Variants in CNBD1 observed in about 807,000 individuals in gnomAD.
The protein encoded by CNBD1 is cyclic nucleotide binding domain containing 1.
In CNBD1, 71 loss-of-function variants were observed where a neutral mutation model predicts 54.4. The ratio of observed to expected loss-of-function variants is 1.30; its 90% CI spans 1.08 to 1.59. The LOEUF is 1.59. Ranked by LOEUF, CNBD1 falls within the 40% of genes most tolerant of loss-of-function variation. The pLI is 0.00. For missense variants in CNBD1, 659 were observed against 518.0 expected (o/e 1.27, Z -2.64); for synonymous variants, 182 against 170.7 (o/e 1.07, Z -0.51).
chr8:87,172,564 G>A (rs961862690), intron 4 of CNBD1, among the ~76,000 whole-genome samples: 6 of 151,752 alleles, frequency 4.0e-5, no homozygotes, highest in African/African-American at 9.7e-5. Flanking sequence ...CCAATGTTAC[G>A]TGTATATATA....
intron 6 of CNBD1, among the ~76,000 whole-genome samples, chr8:87,247,160 A>T (rs1300798363): frequency 6.6e-6 from 1 of 152,172 alleles, no homozygotes; most frequent in East Asian, 1.9e-4. Flanking sequence ...TGGGGATTTG[A>T]AGTTGTCTCA....
At chr8:87,266,857 C>G (rs1808269002) in intron 6 of CNBD1, among the ~76,000 whole-genome samples, 1 of 152,060 alleles carries the variant, frequency 6.6e-6, no homozygotes, top group Non-Finnish European at 1.5e-5. Flanking sequence ...GATAAAACTG[C>G]ATGCCTACTT....
chr8:87,301,600 A>G (rs1279170055), intron 8 of CNBD1, among the ~76,000 whole-genome samples: 1 of 152,070 alleles, frequency 6.6e-6, no homozygotes, highest in Non-Finnish European at 1.5e-5. Context: ...AATAAATGTG[A>G]TACACCACAT....
intron 2 of CNBD1, among the ~76,000 whole-genome samples, chr8:87,416,977 A>G (rs1178629129): frequency 6.6e-6 from 1 of 152,096 alleles, no homozygotes; most frequent in Admixed American, 6.6e-5. Flanking sequence ...AATATAATCC[A>G]TGAATGTAAT....
intron 10 of CNBD1, among the ~76,000 whole-genome samples, chr8:87,376,540 A>C (rs1015915632): frequency 3.9e-5 from 6 of 151,954 alleles, no homozygotes; most frequent in Non-Finnish European, 8.8e-5. Flanking sequence ...ATCTTCTGAA[A>C]ATATCCTGAC....
intron 8 of CNBD1, among the ~76,000 whole-genome samples, chr8:87,319,675 A>AT (rs1809478413): frequency 6.6e-6 from 1 of 152,130 alleles, no homozygotes; most frequent in Non-Finnish European, 1.5e-5. Flanking sequence ...GAAAAGTAAC[A>AT]TGTTTTTACC....
chr8:87,295,956 A>G (rs1808868079), intron 8 of CNBD1, among the ~76,000 whole-genome samples: 1 of 152,158 alleles, frequency 6.6e-6, no homozygotes, highest in Non-Finnish European at 1.5e-5. Context: ...AGAACTTTTA[A>G]AAATGCGAAC....
chr8:86,944,246 A>G (rs1738886112), intron 4 of CNBD1, among the ~76,000 whole-genome samples: 1 of 152,230 alleles, frequency 6.6e-6, no homozygotes, highest in Non-Finnish European at 1.5e-5. Flanking sequence ...TTTTTCATCC[A>G]TTAATTAATG....
At chr8:87,218,193 A>G (rs985403219) in intron 5 of CNBD1, among the ~76,000 whole-genome samples, 1 of 152,080 alleles carries the variant, frequency 6.6e-6, no homozygotes, top group Non-Finnish European at 1.5e-5. Context: ...TTGATCTGAA[A>G]CATAATTTAA....
chr8:87,244,552 T>G (rs767206550), intron 6 of CNBD1, among the ~76,000 whole-genome samples: 22 of 152,164 alleles, frequency 1.4e-4, no homozygotes, highest in Non-Finnish European at 2.8e-4. Context: ...ATGTTGAATT[T>G]ATCCCTTTTA....
chr8:87,092,119 A>G (rs1276992262), intron 4 of CNBD1, among the ~76,000 whole-genome samples: 2 of 152,172 alleles, frequency 1.3e-5, no homozygotes, highest in African/African-American at 4.8e-5. Context: ...AGCAAGAGAA[A>G]TAGTCAGGAT....
chr8:87,258,826 T>C (rs1172260313), intron 6 of CNBD1, among the ~76,000 whole-genome samples: 4 of 152,212 alleles, frequency 2.6e-5, no homozygotes, highest in African/African-American at 2.4e-5. Flanking sequence ...TGTTGTGCTT[T>C]TATTTACATG....
At chr8:86,957,549 T>C (rs1807810692) in intron 4 of CNBD1, among the ~76,000 whole-genome samples, 1 of 152,196 alleles carries the variant, frequency 6.6e-6, no homozygotes. Context: ...CTTCCTGGTT[T>C]AGTCTTGGGA....
chr8:87,012,710 C>G (rs554871969), intron 4 of CNBD1, among the ~76,000 whole-genome samples: 40 of 152,306 alleles, frequency 2.6e-4, no homozygotes, highest in African/African-American at 9.6e-4. Context: ...TTACCTTTAA[C>G]CTGAACATTC....
intron 8 of CNBD1, among the ~76,000 whole-genome samples, chr8:87,339,381 C>T (rs1480754520): frequency 6.6e-6 from 1 of 152,094 alleles, no homozygotes; most frequent in Non-Finnish European, 1.5e-5. Flanking sequence ...ACGCTCGCGT[C>T]ATTTCCCATG....
chr8:86,955,919 G>A (rs1421819561), intron 4 of CNBD1, among the ~76,000 whole-genome samples: 2 of 152,180 alleles, frequency 1.3e-5, no homozygotes, highest in Non-Finnish European at 2.9e-5. Context: ...CCTATATCCT[G>A]AATGGTATTG....
chr8:87,149,236 G>A (rs1563487345), intron 4 of CNBD1, among the ~76,000 whole-genome samples: 3 of 152,054 alleles, frequency 2.0e-5, no homozygotes, highest in Non-Finnish European at 4.4e-5. Flanking sequence ...TTTCATAAAG[G>A]AAAAAAAGAA....
intron 8 of CNBD1, among the ~76,000 whole-genome samples, chr8:87,341,879 T>G (rs1017356251): frequency 3.3e-5 from 5 of 152,058 alleles, no homozygotes; most frequent in African/African-American, 9.7e-5. Flanking sequence ...GTCTTAGATA[T>G]TCTATTATAG....
chr8:87,342,330 C>A (rs181669717), intron 8 of CNBD1, among the ~76,000 whole-genome samples: 2 of 151,780 alleles, frequency 1.3e-5, no homozygotes, highest in South Asian at 4.2e-4. Context: ...ATTAGTGTCT[C>A]CATGGGAGGA....
Sources: gnomAD v4.1 joint callset for allele counts (sites outside exome capture counted in the v4.1 genomes callset) on GRCh38, gnomAD v4.1.1 for gene constraint, MANE v1.5 for transcripts, NCBI Gene and HGNC (gene_info 2026-07-23, HGNC 2026-07-21) for gene names.